SOX5: variants seen among roughly 807,000 people sequenced by gnomAD.
The protein encoded by SOX5 is SRY-box transcription factor 5.
In SOX5, 9 loss-of-function variants were observed where a neutral mutation model predicts 92.0. The observed-to-expected ratio is 0.10, with a 90% CI of 0.06 to 0.17. The LOEUF (loss-of-function observed/expected upper bound fraction) is 0.17. Ranked by LOEUF, SOX5 falls within the 10% of genes least tolerant of loss-of-function variation. The pLI is 1.00. For missense variants in SOX5, 642 were observed against 944.5 expected, an observed-to-expected ratio of 0.68 and a Z score of 4.20; for synonymous variants, 344 against 336.3, an observed-to-expected ratio of 1.02 and a Z score of -0.25.
chr12:23,923,532 A>C (rs888124533), intron 1 of SOX5, among the ~76,000 whole-genome samples: 4 of 152,208 alleles, frequency 2.6e-5, no homozygotes, highest in African/African-American at 9.6e-5. Flanking sequence ...AGCCATGAGG[A>C]TGCTGCAGGC....
intron 2 of SOX5, among the ~76,000 whole-genome samples, chr12:24,329,181 T>C (rs1215448728): frequency 6.6e-6 from 1 of 152,190 alleles, no homozygotes; most frequent in African/African-American, 2.4e-5. Flanking sequence ...TACAATCTAG[T>C]AGTTTAGCAT....
intron 1 of SOX5, among the ~76,000 whole-genome samples, chr12:24,501,324 TA>T (rs1350410666): frequency 2.0e-5 from 3 of 146,978 alleles, no homozygotes; most frequent in Admixed American, 1.4e-4. Flanking sequence ...AGGACCAGGA[TA>T]GGGGCAAGAT....
chr12:24,375,660 C>T (rs1265142813), intron 1 of SOX5, among the ~76,000 whole-genome samples: 6 of 149,106 alleles, frequency 4.0e-5, no homozygotes, highest in African/African-American at 1.5e-4. Flanking sequence ...CGCTTGAACC[C>T]AGGAGGTGGA....
intron 2 of SOX5, among the ~76,000 whole-genome samples, chr12:24,300,071 C>T (rs566582610): frequency 2.0e-5 from 3 of 152,148 alleles, no homozygotes; most frequent in South Asian, 2.1e-4. Context: ...TATCTGAGAA[C>T]AAAGCGAAAC....
intron 3 of SOX5, among the ~76,000 whole-genome samples, chr12:23,766,991 C>T (rs1330889825): frequency 6.6e-6 from 1 of 151,914 alleles, no homozygotes; most frequent in African/African-American, 2.4e-5. Flanking sequence ...AGGCGAGAGA[C>T]TCTCTTGAAC....
chr12:24,490,013 T>C (rs1448553841), intron 1 of SOX5, among the ~76,000 whole-genome samples: 1 of 152,218 alleles, frequency 6.6e-6, no homozygotes, highest in Non-Finnish European at 1.5e-5. Context: ...GAAGGCAAAA[T>C]CAGCGTAGAA....
chr12:24,255,727 C>A (rs969769749), intron 3 of SOX5, among the ~76,000 whole-genome samples: 12 of 152,158 alleles, frequency 7.9e-5, no homozygotes, highest in Non-Finnish European at 1.6e-4. Context: ...TTTAACATCT[C>A]ATCCAAAAAA....
At chr12:24,381,730 C>T (rs1957849921) in intron 1 of SOX5, among the ~76,000 whole-genome samples, 1 of 151,930 alleles carries the variant, frequency 6.6e-6, no homozygotes, top group South Asian at 2.1e-4. Context: ...ATACAGTGAC[C>T]CACACATAGT....
intron 3 of SOX5, chr12:24,227,951 C>A (rs772197373): frequency 1.4e-4 from 22 of 152,322 alleles, no homozygotes; most frequent in African/African-American, 5.1e-4. Context: ...TAATAATATG[C>A]ATACATACAA....
chr12:24,355,205 G>A (rs1269928142), intron 2 of SOX5, among the ~76,000 whole-genome samples: 1 of 149,298 alleles, frequency 6.7e-6, no homozygotes, highest in Non-Finnish European at 1.5e-5. Context: ...GCAATATCAG[G>A]ATAGTGTGGT....
At chr12:24,371,120 C>T (rs528770684) in intron 1 of SOX5, among the ~76,000 whole-genome samples, 1 of 152,064 alleles carries the variant, frequency 6.6e-6, no homozygotes, top group Non-Finnish European at 1.5e-5. Context: ...ACATTTTAGT[C>T]TAGAAGTTGA....
At position 24,550,070 on chromosome 12, in the gene SOX5, G is replaced by A. The variant is rs116011591; in HGVS notation, c.-251+12259C>T. ...CAGTCCACTCTGGGTTCAAGTTTCA[G>A]CTATGCCGTTTGCTAGCTATGCTAC... On this transcript the variant is annotated intron_variant, in intron 1 of 4. Transcript: ENST00000446891. Among the ~76,000 whole-genome samples, 682 of 152,344 alleles carry A rather than the reference G, an allele frequency of 4.5e-3. 2 individuals are homozygous for A. Among genetic ancestry groups the A allele is most frequent in the African/African-American group, 0.015 (644 of 41,582 alleles).
In SOX5 at chr12:23,964,970, A is replaced by C. The variant is rs117634309; in HGVS notation, c.-1-68946T>G. Among the ~76,000 whole-genome samples, 4 of 152,320 alleles carry C rather than the reference A, an allele frequency of 2.6e-5. No individual in the cohort carries two copies. The East Asian group carries it at 7.7e-4, about 30-fold the overall frequency. On this transcript the variant is annotated intron_variant, in intron 4 of 4. Transcript: ENST00000446891. ...GCCAGTAGGGGAGCAGACCTGGGCA[A>C]TGGTGAGCACCAGGGCTAGCGCACA...
intron 4 of SOX5, among the ~76,000 whole-genome samples, chr12:23,970,540 G>A (rs1948103664): frequency 6.6e-6 from 1 of 151,464 alleles, no homozygotes; most frequent in Non-Finnish European, 1.5e-5. Flanking sequence ...TGTAAGTGTA[G>A]TCATAGAGTA....
At chr12:23,789,854 A>G (rs1237395046) in intron 3 of SOX5, among the ~76,000 whole-genome samples, 1 of 152,182 alleles carries the variant, frequency 6.6e-6, no homozygotes, top group African/African-American at 2.4e-5. Context: ...AACCATGTAC[A>G]TAGAAACACT....
At chr12:24,425,103 T>C (rs1168718878) in intron 1 of SOX5, among the ~76,000 whole-genome samples, 2 of 152,144 alleles carry the variant, frequency 1.3e-5, no homozygotes, top group African/African-American at 4.8e-5. Flanking sequence ...AGAATTAATG[T>C]AGAGTGAAAA....
At chr12:23,861,626 T>C (rs150614821) in intron 2 of SOX5, among the ~76,000 whole-genome samples, 62 of 152,280 alleles carry the variant, frequency 4.1e-4, no homozygotes, top group African/African-American at 1.3e-3. Context: ...TAAAAGTATT[T>C]ACTCTTTATA....
intron 4 of SOX5, among the ~76,000 whole-genome samples, chr12:24,188,508 T>A (rs1472313689): frequency 6.6e-6 from 1 of 152,044 alleles, no homozygotes; most frequent in Admixed American, 6.6e-5. Context: ...ATGAAGTACA[T>A]CTGAACTGAG....
At chr12:24,430,927 T>C (rs1253874580) in intron 1 of SOX5, among the ~76,000 whole-genome samples, 1 of 152,194 alleles carries the variant, frequency 6.6e-6, no homozygotes, top group Non-Finnish European at 1.5e-5. Context: ...TTATATCCGA[T>C]GTCTCTTTAT....
Sources: allele counts gnomAD v4.1 joint callset (sites outside exome capture counted in the v4.1 genomes callset), GRCh38; gene constraint gnomAD v4.1.1; transcripts MANE v1.5; gene names NCBI Gene and HGNC (gene_info 2026-07-23, HGNC 2026-07-21).